CSMD1: variants seen among roughly 807,000 people sequenced by gnomAD.
CSMD1 encodes CUB and Sushi multiple domains 1, also known as CUB and sushi domain-containing protein 1.
A neutral mutation model predicts 417.5 loss-of-function variants in CSMD1; 213 were observed. The observed-to-expected ratio is 0.51, with a 90% CI of 0.46 to 0.57. CSMD1 has a LOEUF of 0.57. Among genes scored for constraint, CSMD1 ranks in the 20% least tolerant of loss-of-function variants. CSMD1 has a pLI of 0.00. For synonymous variants in CSMD1, 2,862 were observed against 1,736.8 expected (o/e 1.65, Z -16.11); for missense variants, 6,923 against 4,529.7 (o/e 1.53, Z -15.17).
chr8:4,825,596 CAGAAA>C (rs201573667), intron 1 of CSMD1, among the ~76,000 whole-genome samples: 1 of 63,910 alleles, frequency 1.6e-5, no homozygotes, highest in Non-Finnish European at 4.0e-5. Flanking sequence ...TCAAAAAGCA[CAGAAA>C]AGAAAAGAAA....
intron 3 of CSMD1, among the ~76,000 whole-genome samples, chr8:4,093,439 C>G (rs1800823811): frequency 6.6e-6 from 1 of 151,940 alleles, no homozygotes; most frequent in Non-Finnish European, 1.5e-5. Context: ...AATGCACTCC[C>G]CTTGAATCTG....
intron 5 of CSMD1, among the ~76,000 whole-genome samples, chr8:3,815,383 T>A (rs1019157161): frequency 8.5e-5 from 13 of 152,174 alleles, no homozygotes; most frequent in Admixed American, 5.2e-4. Flanking sequence ...AACTTACAGA[T>A]GAAATTAAAT....
Position 3,656,510 on chromosome 8 carries a change from C to G in CSMD1, c.1010-39713G>C, listed in dbSNP as rs149707221. 2.3e-3 allele frequency among the ~76,000 whole-genome samples: 354 copies of G among 152,276 alleles called. 1 individual carries two copies. The highest frequency in any genetic ancestry group is 8.2e-3 in the African/African-American group (342 of 41,556). On this transcript the variant is annotated intron_variant, in intron 7 of 69. Coordinates refer to ENST00000635120, the MANE Select transcript of CSMD1 (RefSeq NM_033225.6). ...GCATTCATTATGCAATAGTGCAGTCCTCAGTCTTCTAATCCGCAAAATAAT... is the reference window on the plus strand; with the variant it reads ...GCATTCATTATGCAATAGTGCAGTCGTCAGTCTTCTAATCCGCAAAATAAT...
intron 49 of CSMD1, among the ~76,000 whole-genome samples, chr8:3,086,854 C>G (rs1467687719): frequency 6.6e-6 from 1 of 152,182 alleles, no homozygotes; most frequent in Non-Finnish European, 1.5e-5. Flanking sequence ...GGAAGTACAA[C>G]TGTTAGAATA....
At chr8:2,995,713 A>G (rs1046354702) in intron 54 of CSMD1, among the ~76,000 whole-genome samples, 5 of 152,192 alleles carry the variant, frequency 3.3e-5, no homozygotes, top group African/African-American at 7.2e-5. Context: ...GCTACTCCAC[A>G]GGAAAAAGGG....
intron 10 of CSMD1, among the ~76,000 whole-genome samples, chr8:3,513,896 C>A (rs961747402): frequency 6.6e-6 from 1 of 152,102 alleles, no homozygotes; most frequent in African/African-American, 2.4e-5. Flanking sequence ...AAGGTTATAA[C>A]CACAGAATAA....
At chr8:3,564,102 C>A (rs769204631) in intron 10 of CSMD1, among the ~76,000 whole-genome samples, 8 of 152,106 alleles carry the variant, frequency 5.3e-5, no homozygotes, top group Non-Finnish European at 1.0e-4. Flanking sequence ...AACAGTGTAA[C>A]AGGAATACTC....
chr8:4,722,044 G>A (rs918651190), intron 1 of CSMD1, among the ~76,000 whole-genome samples: 4 of 152,158 alleles, frequency 2.6e-5, no homozygotes, highest in African/African-American at 9.7e-5. Context: ...TCAGTCCAAA[G>A]TATGAAGTTG....
At chr8:3,797,646 T>G (rs2129070971) in intron 5 of CSMD1, among the ~76,000 whole-genome samples, 1 of 152,156 alleles carries the variant, frequency 6.6e-6, no homozygotes, top group Admixed American at 6.6e-5. Context: ...TATACAAATA[T>G]GTTATAATTT....
rs572563874 is a variant in CSMD1, at chr8:3,939,338, C to G, written c.818+58565G>C. ...CCACCTTACTCCTGTAAAAATGGTC[C>G]TAATTAAAAAGTCAAGAAAATATAA... On this transcript the variant is annotated intron_variant, in intron 5 of 69. Coordinates refer to ENST00000635120, the MANE Select transcript of CSMD1 (RefSeq NM_033225.6). Among the ~76,000 whole-genome samples, 3 of 152,048 alleles carry G rather than the reference C, an allele frequency of 2.0e-5. No homozygotes were observed. In the South Asian group the frequency reaches 6.2e-4, roughly 32 times the overall value.
chr8:3,690,701 C>G (rs752833834), intron 7 of CSMD1, among the ~76,000 whole-genome samples: 6 of 152,148 alleles, frequency 3.9e-5, no homozygotes, highest in East Asian at 1.9e-4. Flanking sequence ...GTACATAAAG[C>G]GCATAGCTGA....
At chr8:4,504,126 G>A (rs1404455230) in intron 2 of CSMD1, among the ~76,000 whole-genome samples, 2 of 152,082 alleles carry the variant, frequency 1.3e-5, no homozygotes, top group East Asian at 1.9e-4. Flanking sequence ...TGTATATATA[G>A]CCCATGGAGG....
intron 1 of CSMD1, among the ~76,000 whole-genome samples, chr8:4,912,798 A>AG (rs111546193): frequency 0.41 from 61,374 of 151,402 alleles, 12,610 homozygotes; most frequent in East Asian, 0.53. Flanking sequence ...TTTTTTTTGG[A>AG]GGGGGGGCAC....
chr8:4,814,172 G>C (rs530671581), intron 1 of CSMD1, among the ~76,000 whole-genome samples: 22 of 152,244 alleles, frequency 1.4e-4, no homozygotes, highest in East Asian at 5.8e-4. Flanking sequence ...AGAAAATTAG[G>C]TTTCTTCCAT....
intron 3 of CSMD1, among the ~76,000 whole-genome samples, chr8:4,174,623 A>G (rs1361724932): frequency 2.0e-5 from 3 of 148,096 alleles, no homozygotes; most frequent in Non-Finnish European, 4.4e-5. Flanking sequence ...TAATTAAAAC[A>G]AACTCTAAGA....
At chr8:4,020,327 T>TTTA (rs950291201) in intron 4 of CSMD1, among the ~76,000 whole-genome samples, 2 of 152,340 alleles carry the variant, frequency 1.3e-5, no homozygotes, top group Admixed American at 1.3e-4. Context: ...CGACAAGCAC[T>TTTA]TTAATCCCCT....
intron 62 of CSMD1, among the ~76,000 whole-genome samples, chr8:2,959,224 C>T (rs1200410023): frequency 6.6e-6 from 1 of 152,206 alleles, no homozygotes; most frequent in Non-Finnish European, 1.5e-5. Flanking sequence ...CCATCTCAGC[C>T]TTCTGCACAG....
intron 10 of CSMD1, among the ~76,000 whole-genome samples, chr8:3,564,729 C>T (rs1799625410): frequency 1.4e-5 from 2 of 146,448 alleles, no homozygotes; most frequent in African/African-American, 2.6e-5. Context: ...GGCAGAAAAA[C>T]CAACCAACCA....
intron 2 of CSMD1, among the ~76,000 whole-genome samples, chr8:4,562,473 C>T (rs1333682991): frequency 6.6e-6 from 1 of 152,092 alleles, no homozygotes; most frequent in Non-Finnish European, 1.5e-5. Flanking sequence ...AGATTGAATT[C>T]ATTAGAAATC....
Sources: gnomAD v4.1 joint callset for allele counts (sites outside exome capture counted in the v4.1 genomes callset) on GRCh38, gnomAD v4.1.1 for gene constraint, MANE v1.5 for transcripts, NCBI Gene and HGNC (gene_info 2026-07-23, HGNC 2026-07-21) for gene names.